Variants in CHD2 observed in about 807,000 individuals in gnomAD.
The protein encoded by CHD2 is chromodomain helicase DNA binding protein 2, also known as ATP-dependent chromatin remodeler CHD2.
CHD2 carries 28 observed loss-of-function variants against 243.9 expected under a neutral mutation model. The ratio of observed to expected loss-of-function variants is 0.11; its 90% confidence interval spans 0.09 to 0.16. The LOEUF is 0.16. Among genes scored for constraint, CHD2 ranks in the 10% least tolerant of loss-of-function variants. CHD2 has a pLI of 1.00. For synonymous variants in CHD2, 775 were observed against 779.0 expected (o/e 0.99, Z 0.09); for missense variants, 1,386 against 2,209.8 (o/e 0.63, Z 7.47).
chr15:92,939,426 G>A lies in CHD2; in HGVS notation c.552-152G>A, dbSNP rs3743469. The A allele has an allele frequency of 0.49, 356,457 of 731,240 alleles. 92,036 individuals are homozygous for A. The highest frequency in any genetic ancestry group is 0.82 in the East Asian group (29,230 of 35,440). 45.3% of individuals were successfully genotyped at this position (731,240 alleles called of 1,614,324 possible). A position where few individuals can be genotyped will look rare whatever the true frequency, so the allele number is the denominator to read the frequency against. ...ATTTCTAGTGAATTAGAATTTCAGGGAGTAGGGCCCAAGAATATGCATGTT... is the reference window on the plus strand; with the variant it reads ...ATTTCTAGTGAATTAGAATTTCAGGAAGTAGGGCCCAAGAATATGCATGTT... On this transcript the variant is annotated intron_variant, in intron 6 of 38. Coordinates refer to ENST00000394196, the MANE Select transcript of CHD2 (RefSeq NM_001271.4).
intron 34 of CHD2, 42 bp from the exon 35 acceptor site, chr15:93,009,103 T>G: frequency 6.3e-7 from 1 of 1,599,336 alleles, no homozygotes; most frequent in Non-Finnish European, 8.6e-7. Flanking sequence ...AGACTTACTT[T>G]CTGCAGATTG....
intron 13 of CHD2, chr15:92,950,458 A>C (rs1184427642): frequency 6.6e-6 from 1 of 152,244 alleles, no homozygotes; most frequent in South Asian, 2.1e-4. Context: ...ATGCCAACCT[A>C]CACACTTCTT....
chr15:92,972,267 C>G lies in CHD2; in HGVS notation c.2355C>G (p.Ser785=). 1 of 1,606,896 alleles carries G rather than the reference C, an allele frequency of 6.2e-7. No individual in the cohort carries two copies. The highest frequency in any genetic ancestry group is 8.5e-7 in the Non-Finnish European group (1 of 1,177,786). ...TGGAATGTCTTTTAAATCTTCAGTC[C>G]CTCATAAGGAGCAGTGGGAAGTTGA... The part of the protein sequence containing the change: ...ERENGQEILL[S]LIRSSGKLIL... The change falls in exon 19 of 39, where the codon TCC becomes TCG. Residue 785 remains serine, a splice_region_variant and synonymous_variant. Coordinates refer to ENST00000394196, the MANE Select transcript of CHD2 (RefSeq NM_001271.4).
Position 92,979,366 on chromosome 15 carries a change from GAC to G in CHD2, c.2876+85_2876+86del. On this transcript the variant is annotated intron_variant, in intron 22 of 38. Transcript: ENST00000394196. ...GGATATAATAGGATTTTCTACCACAGACATTAGTCTGTTCATTACCTGGAAGA... is the reference window on the plus strand; with the variant it reads ...GGATATAATAGGATTTTCTACCACAGATTAGTCTGTTCATTACCTGGAAGA... 3.3e-6 allele frequency: 5 copies of G among 1,501,654 alleles called. 1 individual carries two copies. The allele number at this position is 1,501,654 out of a possible 1,614,324, so 93.0% of individuals were successfully genotyped here. A position where few individuals can be genotyped will look rare whatever the true frequency, so the allele number is the denominator to read the frequency against.
At chr15:92,930,431 TTTTTG>T (rs764226207) in intron 5 of CHD2, among the ~76,000 whole-genome samples, 4 of 152,106 alleles carry the variant, frequency 2.6e-5, no homozygotes, top group African/African-American at 4.8e-5. Context: ...CTTGTCAGCC[TTTTTG>T]TTTTGTTTTG....
At chr15:92,910,620 T>C (rs918429784) in intron 2 of CHD2, among the ~76,000 whole-genome samples, 1 of 152,128 alleles carries the variant, frequency 6.6e-6, no homozygotes, top group Non-Finnish European at 1.5e-5. Flanking sequence ...GGTCTCAGAC[T>C]CCTGACCTCA....
intron 19 of CHD2, among the ~76,000 whole-genome samples, chr15:92,974,402 T>C (rs2053880976): frequency 6.6e-6 from 1 of 152,238 alleles, no homozygotes; most frequent in Admixed American, 6.5e-5. Context: ...CAAAATGTTT[T>C]TCAAACAAAA....
At chr15:93,009,402 G>GCC in intron 35 of CHD2, 79 bp downstream of exon 35, 1 of 1,384,666 alleles carries the variant, frequency 7.2e-7, no homozygotes, top group South Asian at 1.4e-5. Context: ...AATAAAAGGT[G>GCC]GCATAGCCAC....
At chr15:92,975,262 T>G (rs1295155795) in intron 20 of CHD2, among the ~76,000 whole-genome samples, 1 of 152,154 alleles carries the variant, frequency 6.6e-6, no homozygotes, top group Non-Finnish European at 1.5e-5. Flanking sequence ...ATAGAATTAA[T>G]ATAAGAAGGT....
chr15:92,908,103 G>A (rs2052656118), intron 2 of CHD2, among the ~76,000 whole-genome samples: 1 of 150,174 alleles, frequency 6.7e-6, no homozygotes, highest in African/African-American at 2.5e-5. Flanking sequence ...TCACAGCCCG[G>A]CTTTTGCCAG....
Position 92,955,502 on chromosome 15 carries a change from T to C in CHD2, c.1799T>C (p.Leu600Ser). Residue 600 changes from leucine to serine, a missense_variant, in exon 15 of 39, where the codon TTG (leucine) becomes TCG (serine). Transcript: ENST00000394196. ...NALITTYEIL[L>S]KDKTVLGSIN... The stretch of plus-strand genomic sequence containing the variant: ...CTTATAACAACATATGAGATCCTCT[T>C]GAAAGATAAGGTGTGTAATTAATAT... The C allele has an allele frequency of 6.3e-7, 1 of 1,592,390 alleles. No homozygotes were observed. The highest frequency in any genetic ancestry group is 1.8e-5 in the Admixed American group (1 of 55,496).
At chr15:92,995,144 A>G (rs1008923051) in intron 28 of CHD2, among the ~76,000 whole-genome samples, 1 of 152,236 alleles carries the variant, frequency 6.6e-6, no homozygotes, top group African/African-American at 2.4e-5. Context: ...ATCTTAGAAT[A>G]TATCACACTA....
chr15:92,987,089 T>G (rs548185220), intron 26 of CHD2, among the ~76,000 whole-genome samples: 3 of 152,196 alleles, frequency 2.0e-5, no homozygotes, highest in African/African-American at 7.2e-5. Flanking sequence ...GTTACTCTTA[T>G]ATGATCCATT....
intron 26 of CHD2, among the ~76,000 whole-genome samples, chr15:92,989,510 T>C (rs2054089925): frequency 6.6e-6 from 1 of 152,208 alleles, no homozygotes; most frequent in South Asian, 2.1e-4. Flanking sequence ...CTGTATTCTT[T>C]GTCATGTTAT....
At chr15:92,995,437 C>G (rs1430755633) in intron 28 of CHD2, among the ~76,000 whole-genome samples, 3 of 152,046 alleles carry the variant, frequency 2.0e-5, no homozygotes, top group Admixed American at 2.0e-4. Context: ...GTCACTGTTT[C>G]TATTAGTTGT....
intron 2 of CHD2, chr15:92,902,845 T>G (rs1407084385): frequency 1.3e-5 from 2 of 152,214 alleles, no homozygotes; most frequent in Non-Finnish European, 2.9e-5. Flanking sequence ...TTGGCTCTCT[T>G]ATGCAAGGTT....
At chr15:92,934,610 C>T (rs573908111) in intron 5 of CHD2, among the ~76,000 whole-genome samples, 2 of 152,320 alleles carry the variant, frequency 1.3e-5, no homozygotes, top group African/African-American at 4.8e-5. Context: ...GAGAGGACAG[C>T]AGTTTCACAT....
Position 92,998,448 on chromosome 15 carries a change from C to T in CHD2, c.3886-51C>T, listed in dbSNP as rs1190874707. The T allele has an allele frequency of 6.2e-7, 1 of 1,609,736 alleles. No individual in the cohort carries two copies. Among genetic ancestry groups the T allele is most frequent in the Admixed American group, 1.7e-5 (1 of 59,766 alleles). ...TGTTGTCTCTGTTTATCCTGATCCA[C>T]TAACCAGGATGTGGGTGGTGGCGGG... is the stretch of plus-strand genomic sequence containing the variant. On this transcript the variant is annotated intron_variant, in intron 30 of 38. Transcript: ENST00000394196. The surrounding 1 kb of genome is among the most constrained non-coding windows in gnomAD (Gnocchi z 5.1).
At chr15:93,016,123 G>A (rs77498969) in intron 37 of CHD2, among the ~76,000 whole-genome samples, 10,373 of 152,282 alleles carry the variant, frequency 0.068, 445 homozygotes, top group South Asian at 0.14. Context: ...CCATCAGCAG[G>A]TGAGTGGATA....
Sources: gnomAD v4.1 joint callset for allele counts (sites outside exome capture counted in the v4.1 genomes callset) on GRCh38, gnomAD v4.1.1 for gene constraint, Gnocchi (gnomAD v3.1) non-coding constraint, MANE v1.5 for transcripts, NCBI Gene and HGNC (gene_info 2026-07-23, HGNC 2026-07-21) for gene names.